The following MSH3 variants were observed in gnomAD, a reference collection of about 807,000 sequenced individuals.
MSH3 encodes the protein DNA mismatch repair protein Msh3.
Under a neutral mutation model 123.3 loss-of-function variants are expected in MSH3, and 106 were observed. That is an observed-to-expected ratio of 0.86 (90% CI 0.73 to 1.01). MSH3 has a LOEUF of 1.01. Ranked by LOEUF, MSH3 falls within the 50% of genes least tolerant of loss-of-function variation. MSH3 has a pLI of 0.00. For synonymous variants in MSH3, 515 were observed against 481.4 expected, an observed-to-expected ratio of 1.07 and a Z score of -0.91; for missense variants, 1,459 against 1,347.6, an observed-to-expected ratio of 1.08 and a Z score of -1.29.
At chr5:80,794,088 A>G (rs1272065943) in intron 19 of MSH3, among the ~76,000 whole-genome samples, 1 of 152,236 alleles carries the variant, frequency 6.6e-6, no homozygotes, top group Non-Finnish European at 1.5e-5. Flanking sequence ...GTTTGCTTAT[A>G]CCACATTTCA....
intron 20 of MSH3, among the ~76,000 whole-genome samples, chr5:80,818,402 C>CAA (rs71603566): frequency 0.32 from 20,282 of 63,820 alleles, 4,393 homozygotes; most frequent in East Asian, 0.64. Context: ...ATAGCAATGA[C>CAA]AAAAAAAAAA....
At chr5:80,696,049 G>T (rs1216342885) in intron 8 of MSH3, among the ~76,000 whole-genome samples, 1 of 152,156 alleles carries the variant, frequency 6.6e-6, no homozygotes, top group African/African-American at 2.4e-5. Flanking sequence ...TGAAACCCGA[G>T]GGAGATGGGT....
intron 8 of MSH3, among the ~76,000 whole-genome samples, chr5:80,680,114 G>A (rs1749941960): frequency 6.6e-6 from 1 of 151,786 alleles, no homozygotes; most frequent in Admixed American, 6.6e-5. Flanking sequence ...ACAAAAATTA[G>A]CTGGGTGTGG....
chr5:80,693,724 C>A (rs1444305515), intron 8 of MSH3, among the ~76,000 whole-genome samples: 7 of 152,036 alleles, frequency 4.6e-5, no homozygotes. Context: ...GTAGCACAAT[C>A]TTGGCCCACT....
chr5:80,854,271 T>C lies in MSH3; in HGVS notation c.2955T>C (p.Asp985=). 6.2e-7 allele frequency: 1 copy of C among 1,614,006 alleles called. No individual in the cohort carries two copies. Among genetic ancestry groups the C allele is most frequent in the Non-Finnish European group, 8.5e-7 (1 of 1,179,932 alleles). ...DELGRGTSTH[D]GIAIAYATLE... is the part of the protein sequence containing the mutation. ...TAGGAAGAGGGACGAGCACTCATGA[T>C]GGAATTGCCATTGCCTATGCTACAC... The change falls in exon 21 of 24, where the codon GAT becomes GAC. Residue 985 remains aspartate, a synonymous_variant. Transcript: ENST00000265081.
chr5:80,726,592 A>C (rs1253196738), intron 9 of MSH3, among the ~76,000 whole-genome samples: 1 of 152,096 alleles, frequency 6.6e-6, no homozygotes, highest in African/African-American at 2.4e-5. Flanking sequence ...TCAGCCTCCC[A>C]AGTAGCTGAG....
chr5:80,873,349 G>A (rs1746255554), intron 23 of MSH3, 62 bp downstream of exon 23: 3 of 1,549,424 alleles, frequency 1.9e-6, no homozygotes, highest in Admixed American at 3.4e-5. Context: ...GTCCAAGAAA[G>A]AGAGGAGCGT....
intron 13 of MSH3, among the ~76,000 whole-genome samples, chr5:80,764,800 C>T (rs1003339101): frequency 1.3e-5 from 2 of 152,200 alleles, no homozygotes; most frequent in Admixed American, 1.3e-4. Flanking sequence ...TTGGTGAATA[C>T]ATTTAAAGGA....
chr5:80,676,562 C>T (rs1009564857), intron 7 of MSH3, among the ~76,000 whole-genome samples: 4 of 152,206 alleles, frequency 2.6e-5, no homozygotes, highest in African/African-American at 9.6e-5. Flanking sequence ...TTCTTACCAT[C>T]TGAATGTCTC....
Position 80,672,272 on chromosome 5 carries a change from G to A in MSH3, c.821G>A (p.Cys274Tyr). ...EIAARELNIY[C>Y]HLDHNFMTAS... ...GCAGCCCGAGAGCTCAATATTTATT[G>A]CCATTTAGATCACAACTTTATGACA... Residue 274 changes from cysteine to tyrosine, a missense_variant, in exon 5 of 24, where the codon TGC (cysteine) becomes TAC (tyrosine). Transcript: ENST00000265081. 6.2e-7 allele frequency: 1 copy of A among 1,612,968 alleles called. No homozygotes were observed. The highest frequency in any genetic ancestry group is 8.5e-7 in the Non-Finnish European group (1 of 1,179,478).
At chr5:80,802,795 G>T (rs906181977) in intron 19 of MSH3, among the ~76,000 whole-genome samples, 2 of 152,020 alleles carry the variant, frequency 1.3e-5, no homozygotes, top group Non-Finnish European at 2.9e-5. Flanking sequence ...TTAATTTTCA[G>T]TTCCCACAAA....
intron 23 of MSH3, among the ~76,000 whole-genome samples, chr5:80,874,043 C>T (rs142689386): frequency 1.1e-3 from 174 of 152,170 alleles, no homozygotes; most frequent in African/African-American, 3.9e-3. Context: ...ACATTAGTAC[C>T]CTGGTTGATA....
At chr5:80,805,387 C>A (rs1744869274) in intron 19 of MSH3, among the ~76,000 whole-genome samples, 1 of 152,156 alleles carries the variant, frequency 6.6e-6, no homozygotes, top group Non-Finnish European at 1.5e-5. Context: ...ACTTTTCAAG[C>A]ATCTAAATTT....
chr5:80,725,324 T>C (rs1751627676), intron 8 of MSH3, 129 bp from the exon 9 acceptor site: 4 of 663,230 alleles, frequency 6.0e-6, no homozygotes, highest in East Asian at 2.8e-5. Context: ...TTCTCTCTCT[T>C]TCTTCAACTT....
At chr5:80,689,288 T>A (rs1561443185) in intron 8 of MSH3, among the ~76,000 whole-genome samples, 1 of 152,202 alleles carries the variant, frequency 6.6e-6, no homozygotes, top group Non-Finnish European at 1.5e-5. Context: ...AGCTTATACT[T>A]TATTTAGATG....
intron 19 of MSH3, among the ~76,000 whole-genome samples, chr5:80,808,047 C>G (rs189225730): frequency 6.6e-6 from 1 of 152,174 alleles, no homozygotes; most frequent in African/African-American, 2.4e-5. Flanking sequence ...AAAGTGTTCT[C>G]TATAAAGGGT....
intron 20 of MSH3, among the ~76,000 whole-genome samples, chr5:80,844,445 G>A (rs2112094921): frequency 6.6e-6 from 1 of 152,196 alleles, no homozygotes; most frequent in South Asian, 2.1e-4. Flanking sequence ...TTCAGGTCCT[G>A]GATATCCTTG....
At chr5:80,790,819 T>G (rs1436599646) in intron 18 of MSH3, among the ~76,000 whole-genome samples, 2 of 152,170 alleles carry the variant, frequency 1.3e-5, no homozygotes, top group African/African-American at 2.4e-5. Flanking sequence ...TCATAATTAT[T>G]AGCTTAATCA....
At chr5:80,840,571 AC>A (rs1416213237) in intron 20 of MSH3, among the ~76,000 whole-genome samples, 1 of 151,620 alleles carries the variant, frequency 6.6e-6, no homozygotes, top group African/African-American at 2.4e-5. Context: ...TTGCCACCAC[AC>A]CCGGCTAATT....
Sources: allele counts gnomAD v4.1 joint callset (sites outside exome capture counted in the v4.1 genomes callset), GRCh38; gene constraint gnomAD v4.1.1; transcripts MANE v1.5; gene names NCBI Gene and HGNC (gene_info 2026-07-23, HGNC 2026-07-21).